The following CPLANE1 variants were observed in gnomAD, a reference collection of about 807,000 sequenced individuals.
The protein encoded by CPLANE1 is ciliogenesis and planar polarity effector complex subunit 1.
Under a neutral mutation model 362.5 loss-of-function variants are expected in CPLANE1, and 263 were observed. The ratio of observed to expected loss-of-function variants is 0.73; its 90% confidence interval spans 0.66 to 0.80. CPLANE1 has a LOEUF of 0.80. CPLANE1 is among the 30% of genes least tolerant of loss of function. CPLANE1 has a pLI of 0.00. For missense variants in CPLANE1, 3,461 were observed against 3,793.4 expected (o/e 0.91, Z 2.30); for synonymous variants, 1,212 against 1,302.6 (o/e 0.93, Z 1.50).
rs144372925 is a variant in CPLANE1 at position 37,143,732 on chromosome 5, G to A, written c.8462-1252C>T. Among the ~76,000 whole-genome samples the A allele has an allele frequency of 4.6e-4, 70 of 152,124 alleles. No homozygotes were observed. The East Asian group carries it at 0.011, about 24-fold the overall frequency. On this transcript the variant is annotated intron_variant, in intron 43 of 52. Transcript: ENST00000651892. ...GCTGATCACCTGAGGTCAGGAGTTC[G>A]AGAACAGCCTGACCAAAATGGAGAA...
intron 35 of CPLANE1, among the ~76,000 whole-genome samples, chr5:37,165,955 T>G (rs1232971817): frequency 6.6e-6 from 1 of 152,200 alleles, no homozygotes; most frequent in Non-Finnish European, 1.5e-5. Flanking sequence ...TAAACTCTCT[T>G]TTCTGTGGAT....
chr5:37,158,965 T>A (rs970640122), intron 38 of CPLANE1, among the ~76,000 whole-genome samples: 2 of 151,640 alleles, frequency 1.3e-5, no homozygotes. Context: ...TTTGTATTTT[T>A]AATAGAGACA....
rs1740120455 is a variant in CPLANE1, at chr5:37,247,508, C to T, written c.81+110G>A. The T allele has an allele frequency of 4.0e-5, 36 of 897,830 alleles. No individual in the cohort carries two copies. In the South Asian group the frequency reaches 7.3e-4, roughly 18 times the overall value. The allele number at this position is 897,830 out of a possible 1,614,324, so 55.6% of individuals were successfully genotyped here. A position where few individuals can be genotyped will look rare whatever the true frequency, so the allele number is the denominator to read the frequency against. ...GGTGATCCTCCTGTAGATCCTCCTC[C>T]AGTAGATGATGTTTTATTTATTTAA... is the stretch of plus-strand genomic sequence containing the variant. On this transcript the variant is annotated intron_variant, in intron 2 of 52. Coordinates refer to ENST00000651892, the MANE Select transcript of CPLANE1 (RefSeq NM_001384732.1).
In CPLANE1 at chr5:37,245,566, C is replaced by A. The variant is rs1226086505; in HGVS notation, c.250G>T (p.Glu84Ter). The change falls in exon 4 of 53, where the codon GAG becomes TAG. Residue 84 changes from glutamate (E) to a stop codon, truncating the protein, a stop_gained. Transcript: ENST00000651892. LOFTEE classifies it high-confidence loss of function. ...AWLAGVLTTGELFLWNKDQDC... is the reference protein window; with the variant it reads ...AWLAGVLTTG ...TGATCTTTGTTCCAAAGGAAAAGCTCTCCTGTAGTTAGTACCCCAGCCAGC... is the reference window on the plus strand; with the variant it reads ...TGATCTTTGTTCCAAAGGAAAAGCTATCCTGTAGTTAGTACCCCAGCCAGC... 1.3e-6 allele frequency: 2 copies of A among 1,523,762 alleles called. No individual in the cohort carries two copies. The highest frequency in any genetic ancestry group is 2.8e-5 in the African/African-American group (2 of 71,992). 94.4% of individuals were successfully genotyped at this position (1,523,762 alleles called of 1,614,324 possible).
intron 46 of CPLANE1, among the ~76,000 whole-genome samples, chr5:37,134,021 G>C (rs1224614230): frequency 6.6e-6 from 1 of 152,158 alleles, no homozygotes; most frequent in Non-Finnish European, 1.5e-5. Context: ...ACCACAATTT[G>C]ATGTGCTGTT....
chr5:37,195,276 G>A (rs913958128), intron 21 of CPLANE1, among the ~76,000 whole-genome samples: 1 of 151,962 alleles, frequency 6.6e-6, no homozygotes, highest in Non-Finnish European at 1.5e-5. Flanking sequence ...AAACTTGTTA[G>A]GCAAATAACT....
Position 37,195,898 on chromosome 5 carries a change from A to C in CPLANE1, c.3771T>G (p.Ala1257=). Residue 1257 remains alanine (A), a synonymous_variant, in exon 21 of 53, where the codon GCT becomes GCG. Transcript: ENST00000651892. ...AAACTTCATCAAGCTTGTGGTCTCC[A>C]GCTGCTCCAGGTCTAAAAAATGCGA... ...GGIAFFRPGA[A]GDHKLDEVSI... 3 of 1,613,424 alleles carry C rather than the reference A, an allele frequency of 1.9e-6. No homozygotes were observed. The highest frequency in any genetic ancestry group is 2.5e-6 in the Non-Finnish European group (3 of 1,179,764).
chr5:37,237,849 CA>C (rs905375106), intron 8 of CPLANE1, among the ~76,000 whole-genome samples: 148 of 140,270 alleles, frequency 1.1e-3, no homozygotes, highest in Admixed American at 1.0e-3. Flanking sequence ...GACTCCATCT[CA>C]AAAAAAAAAA....
chr5:37,078,529 A>ATAAT, the CPLANE1 span, among the ~76,000 whole-genome samples: 1 of 152,108 alleles, frequency 6.6e-6, no homozygotes, highest in African/African-American at 2.4e-5. Flanking sequence ...ATGTATCTTT[A>ATAAT]TAATAGAATG....
Position 37,139,297 on chromosome 5 carries a change from C to T in CPLANE1, c.8663+43G>A, listed in dbSNP as rs768174024. ...TGAACAAAATTTTCACTATCTACACCCAACTTTAAAGAAAATTGTGAATTA... is the reference window on the plus strand; with the variant it reads ...TGAACAAAATTTTCACTATCTACACTCAACTTTAAAGAAAATTGTGAATTA... On this transcript the variant is annotated intron_variant, in intron 45 of 52. Coordinates refer to ENST00000651892, the MANE Select transcript of CPLANE1 (RefSeq NM_001384732.1). The T allele has an allele frequency of 1.6e-5, 22 of 1,384,332 alleles. No homozygotes were observed. In the Admixed American group the frequency reaches 3.8e-4, roughly 24 times the overall value. 85.8% of individuals were successfully genotyped at this position (1,384,332 alleles called of 1,614,324 possible).
chr5:37,239,188 T>C (rs1277563493), intron 7 of CPLANE1, among the ~76,000 whole-genome samples: 1 of 152,216 alleles, frequency 6.6e-6, no homozygotes, highest in Non-Finnish European at 1.5e-5. Flanking sequence ...CTTATTCTTT[T>C]TTCATTTCTG....
chr5:37,148,038 T>G (rs902465775), intron 43 of CPLANE1, 143 bp downstream of exon 43: 2 of 173,810 alleles, frequency 1.2e-5, no homozygotes, highest in Admixed American at 8.0e-5. Flanking sequence ...AAAAAAATAA[T>G]CCTAATCTAA....
At chr5:37,083,364 C>T in the CPLANE1 span, among the ~76,000 whole-genome samples, 1 of 152,106 alleles carries the variant, frequency 6.6e-6, no homozygotes, top group Non-Finnish European at 1.5e-5. Context: ...TATGACATAA[C>T]AAGGTTCATT....
chr5:37,243,442 G>T (rs890234983), intron 5 of CPLANE1, among the ~76,000 whole-genome samples: 2 of 151,602 alleles, frequency 1.3e-5, no homozygotes, highest in Admixed American at 1.3e-4. Flanking sequence ...CCCTGAGAGT[G>T]GGGAGAGGGG....
chr5:37,179,983 A>C (rs1188440666), intron 28 of CPLANE1, 34 bp downstream of exon 28: 1 of 1,466,296 alleles, frequency 6.8e-7, no homozygotes, highest in African/African-American at 1.5e-5. Flanking sequence ...CAAATTAATA[A>C]AGCCAAAAAA....
chr5:37,083,955 A>T, the CPLANE1 span, among the ~76,000 whole-genome samples: 5 of 152,230 alleles, frequency 3.3e-5, no homozygotes, highest in Admixed American at 2.6e-4. Context: ...TCGCAAAAAG[A>T]TCATCACCTA....
chr5:37,213,172 C>T (rs1472753038), intron 16 of CPLANE1, among the ~76,000 whole-genome samples: 5 of 152,164 alleles, frequency 3.3e-5, no homozygotes, highest in Admixed American at 2.0e-4. Flanking sequence ...CACACCATTG[C>T]ACTCCACCCT....
In CPLANE1 at chr5:37,227,259, T is replaced by C. The variant is rs1275634659; in HGVS notation, c.1505A>G (p.Asn502Ser). 6.4e-7 allele frequency: 1 copy of C among 1,551,174 alleles called. No homozygotes were observed. Among genetic ancestry groups the C allele is most frequent in the Non-Finnish European group, 8.7e-7 (1 of 1,146,878 alleles). The change falls in exon 11 of 53, where the codon AAT becomes AGT. Residue 502 changes from asparagine to serine, a missense_variant. Coordinates refer to ENST00000651892, the MANE Select transcript of CPLANE1 (RefSeq NM_001384732.1). ...FLQAEETINENAADFQDFEAE... is the reference protein window; with the variant it reads ...FLQAEETINESAADFQDFEAE... ...GCTAAGTACCTGAAAATCTGCTGCA[T>C]TTTCATTTATTGTTTCTTCTGCCTG...
In CPLANE1 at chr5:37,170,070, A is replaced by G; in HGVS notation, c.6433T>C (p.Ser2145Pro). The change falls in exon 33 of 53, where the codon TCT (serine) becomes CCT (proline). Residue 2145 changes from serine (S) to proline (P), a missense_variant. Transcript: ENST00000651892. ...ACGTTTCCAGTACTATTTTGACCAG[A>G]TGGGATAGTTCCTTCATGGCAGTGT... ...SPHCHEGTIP[S>P]GQNSTGNVQN... 1 of 1,614,094 alleles carries G rather than the reference A, an allele frequency of 6.2e-7. No homozygotes were observed.
Sources: allele counts gnomAD v4.1 joint callset (sites outside exome capture counted in the v4.1 genomes callset), GRCh38; gene constraint gnomAD v4.1.1; transcripts MANE v1.5; gene names NCBI Gene and HGNC (gene_info 2026-07-23, HGNC 2026-07-21).